Variants in SHISA6 observed in about 807,000 individuals in gnomAD.
The protein encoded by SHISA6 is protein shisa-6.
In SHISA6, 22 loss-of-function variants were observed where a neutral mutation model predicts 47.9. The observed-to-expected ratio is 0.46, with a 90% CI of 0.33 to 0.66. SHISA6 has a LOEUF of 0.66. Ranked by LOEUF, SHISA6 falls within the 30% of genes least tolerant of loss-of-function variation. The pLI is 0.02. For synonymous variants in SHISA6, 388 were observed against 337.8 expected, an observed-to-expected ratio of 1.15 and a Z score of -1.63; for missense variants, 680 against 764.6, an observed-to-expected ratio of 0.89 and a Z score of 1.30.
intron 3 of SHISA6, among the ~76,000 whole-genome samples, chr17:11,442,108 G>T (rs1307246488): frequency 1.3e-5 from 2 of 152,124 alleles, no homozygotes; most frequent in Admixed American, 1.3e-4. Flanking sequence ...CAGCCTCACA[G>T]ACCTGGTGCC....
intron 1 of SHISA6, among the ~76,000 whole-genome samples, chr17:11,256,098 A>G (rs1310993249): frequency 1.3e-5 from 2 of 152,166 alleles, no homozygotes; most frequent in Admixed American, 6.5e-5. Context: ...CAGCATTCCA[A>G]CTTAGGCTTT....
chr17:11,441,575 A>T (rs527678437), intron 3 of SHISA6, among the ~76,000 whole-genome samples: 22 of 152,366 alleles, frequency 1.4e-4, no homozygotes, highest in Admixed American at 1.3e-3. Context: ...AGGAAAAGAA[A>T]GACTAAAATT....
At chr17:11,458,650 G>A (rs1915614020) in intron 3 of SHISA6, among the ~76,000 whole-genome samples, 2 of 152,112 alleles carry the variant, frequency 1.3e-5, no homozygotes, top group African/African-American at 4.8e-5. Context: ...CTTATTCAGT[G>A]CACAAACCCA....
rs1435522767 is a variant in SHISA6 at position 11,321,861 on chromosome 17, G to GT, written c.800-57547dup. On this transcript the variant is annotated intron_variant, in intron 2 of 5. Transcript: ENST00000441885. ...CCTAAACTGTCTTAAAACATTGAGA[G>GT]TTTTTTGTAATTTTTTTTTCAGCTC... is the stretch of plus-strand genomic sequence containing the variant. Among the ~76,000 whole-genome samples, 9 of 152,038 alleles carry GT rather than the reference G, an allele frequency of 5.9e-5. 1 individual carries two copies. Among genetic ancestry groups the GT allele is most frequent in the South Asian group, 2.1e-4 (1 of 4,818 alleles).
chr17:11,339,746 C>T (rs1281428791), intron 2 of SHISA6, among the ~76,000 whole-genome samples: 2 of 152,136 alleles, frequency 1.3e-5, no homozygotes, highest in African/African-American at 4.8e-5. Context: ...AAATTTCAGC[C>T]TGTGGGAGCC....
At chr17:11,493,572 C>T (rs578020509) in intron 3 of SHISA6, among the ~76,000 whole-genome samples, 43 of 151,610 alleles carry the variant, frequency 2.8e-4, no homozygotes, top group Admixed American at 2.4e-3. Flanking sequence ...TGGATACACG[C>T]GTGCGCGCGC....
chr17:11,407,354 C>T (rs528425782), intron 3 of SHISA6, among the ~76,000 whole-genome samples: 1 of 152,074 alleles, frequency 6.6e-6, no homozygotes, highest in Admixed American at 6.6e-5. Context: ...GTGCTCTAGT[C>T]TATGCTGCCC....
At chr17:11,350,805 T>G (rs1911865135) in intron 2 of SHISA6, among the ~76,000 whole-genome samples, 1 of 152,206 alleles carries the variant, frequency 6.6e-6, no homozygotes, top group Non-Finnish European at 1.5e-5. Flanking sequence ...CTCCATAGCA[T>G]GGCATAAAAT....
At chr17:11,509,864 C>G in intron 3 of SHISA6, among the ~76,000 whole-genome samples, 1 of 152,054 alleles carries the variant, frequency 6.6e-6, no homozygotes, top group East Asian at 1.9e-4. Flanking sequence ...CCCTGCCCTG[C>G]AAGGAGGAAC....
chr17:11,429,673 C>G (rs1000671211), intron 3 of SHISA6, among the ~76,000 whole-genome samples: 18 of 151,104 alleles, frequency 1.2e-4, no homozygotes, highest in African/African-American at 4.4e-4. Flanking sequence ...TGCCTATAAT[C>G]CCACCTACTC....
chr17:11,496,008 T>TCCAC lies in SHISA6; in HGVS notation c.896-55885_896-55884insCCCA, dbSNP rs549907306. Among the ~76,000 whole-genome samples, 904 of 151,688 alleles carry TCCAC rather than the reference T, an allele frequency of 6.0e-3. 12 individuals carry two copies. Among genetic ancestry groups the TCCAC allele is most frequent in the African/African-American group, 0.019 (797 of 41,356 alleles). On this transcript the variant is annotated intron_variant, in intron 3 of 5. Coordinates refer to ENST00000441885, the MANE Select transcript of SHISA6 (RefSeq NM_207386.4). Reference sequence around the variant, plus strand: ...ATTTATCCATTCATCCATCCATCCATCCATCCATCCATCCATCCATCCATC... The same window carrying TCCAC: ...ATTTATCCATTCATCCATCCATCCATCCACCCATCCATCCATCCATCCATCCATC...
chr17:11,316,621 C>T (rs187951286), intron 2 of SHISA6, among the ~76,000 whole-genome samples: 2 of 151,978 alleles, frequency 1.3e-5, no homozygotes, highest in East Asian at 3.9e-4. Flanking sequence ...GGGGTTTCAC[C>T]ATCTTAGCCA....
intron 1 of SHISA6, among the ~76,000 whole-genome samples, chr17:11,253,768 A>T (rs1278849477): frequency 6.6e-6 from 1 of 151,570 alleles, no homozygotes; most frequent in Admixed American, 6.6e-5. Flanking sequence ...TTAGAATCCA[A>T]CTCTCTCTCT....
intron 2 of SHISA6, among the ~76,000 whole-genome samples, chr17:11,283,312 A>T (rs1909186576): frequency 6.6e-6 from 1 of 152,206 alleles, no homozygotes; most frequent in Non-Finnish European, 1.5e-5. Flanking sequence ...GTTTCCATTT[A>T]ATAGGTGATT....
chr17:11,400,158 G>T (rs1008996231), intron 3 of SHISA6, among the ~76,000 whole-genome samples: 1 of 151,992 alleles, frequency 6.6e-6, no homozygotes, highest in African/African-American at 2.4e-5. Flanking sequence ...GTACTTACTT[G>T]CATGACTCTT....
intron 3 of SHISA6, among the ~76,000 whole-genome samples, chr17:11,396,972 A>G (rs1394355438): frequency 6.6e-6 from 1 of 152,214 alleles, no homozygotes; most frequent in Non-Finnish European, 1.5e-5. Flanking sequence ...TGTACAACAT[A>G]GTGGCTCTCT....
rs199879665 is a variant in SHISA6 at position 11,350,178 on chromosome 17, A to AT, written c.800-29233dup. ...GGCTAATTTATTTATTTATTTATTTATTTATTTTTTTTTTTTTTTGAGACG... is the reference window on the plus strand; with the variant it reads ...GGCTAATTTATTTATTTATTTATTTATTTTATTTTTTTTTTTTTTTGAGACG... On this transcript the variant is annotated intron_variant, in intron 2 of 5. Transcript: ENST00000441885. Among the ~76,000 whole-genome samples, 475 of 101,154 alleles carry AT rather than the reference A, an allele frequency of 4.7e-3. 5 individuals are homozygous for AT. The highest frequency in any genetic ancestry group is 0.017 in the African/African-American group (430 of 25,698). The allele number at this position is 101,154 out of a possible 152,430, so 66.4% of individuals were successfully genotyped here. A position where few individuals can be genotyped will look rare whatever the true frequency, so the allele number is the denominator to read the frequency against.
chr17:11,476,232 C>T lies in SHISA6; in HGVS notation c.896-75664C>T, dbSNP rs535013420. ...AATTTCATGTATCTTTTCAAAGAAC[C>T]AGTTTTCATCTTAGTTTATTATTTT... On this transcript the variant is annotated intron_variant, in intron 3 of 5. Transcript: ENST00000441885. 2.2e-4 allele frequency among the ~76,000 whole-genome samples: 34 copies of T among 151,862 alleles called. No homozygotes were observed. The South Asian group carries it at 6.7e-3, about 30-fold the overall frequency.
intron 2 of SHISA6, among the ~76,000 whole-genome samples, chr17:11,339,738 A>G (rs191979818): frequency 1.3e-5 from 2 of 152,268 alleles, no homozygotes; most frequent in East Asian, 3.9e-4. Flanking sequence ...AAGCCAGAAA[A>G]TTTCAGCCTG....
Sources: gnomAD v4.1 joint callset for allele counts (sites outside exome capture counted in the v4.1 genomes callset) on GRCh38, gnomAD v4.1.1 for gene constraint, MANE v1.5 for transcripts, NCBI Gene and HGNC (gene_info 2026-07-23, HGNC 2026-07-21) for gene names.